The following DPP10 variants were observed in gnomAD, a reference collection of about 807,000 sequenced individuals.
DPP10 encodes dipeptidyl peptidase like 10, also known as inactive dipeptidyl peptidase 10.
DPP10 carries 33 observed loss-of-function variants against 120.9 expected under a neutral mutation model. The ratio of observed to expected loss-of-function variants is 0.27; its 90% CI spans 0.21 to 0.37. DPP10 has a LOEUF of 0.37. DPP10 is among the 10% of genes least tolerant of loss of function. The probability of loss-of-function intolerance (pLI) is 1.00; values close to 1 mark genes in which losing one functional copy is unlikely to be tolerated. For synonymous variants in DPP10, 337 were observed against 326.1 expected (o/e 1.03, Z -0.36); for missense variants, 816 against 942.8 (o/e 0.87, Z 1.76).
chr2:115,092,424 T>A (rs1709341029), intron 1 of DPP10, among the ~76,000 whole-genome samples: 1 of 152,202 alleles, frequency 6.6e-6, no homozygotes, highest in Admixed American at 6.5e-5. Flanking sequence ...TGTTTCTGCC[T>A]CTGTTCCCCA....
intron 1 of DPP10, among the ~76,000 whole-genome samples, chr2:115,087,073 A>C (rs896220115): frequency 6.6e-6 from 1 of 152,212 alleles, no homozygotes; most frequent in Non-Finnish European, 1.5e-5. Flanking sequence ...AGCCCATGGC[A>C]CTGTGTATTC....
chr2:114,647,154 G>A (rs899780369), intron 1 of DPP10, among the ~76,000 whole-genome samples: 1 of 152,194 alleles, frequency 6.6e-6, no homozygotes, highest in Non-Finnish European at 1.5e-5. Flanking sequence ...ATTAGCGAGA[G>A]CAGCTCTGAA....
At chr2:115,477,222 A>T in intron 3 of DPP10, among the ~76,000 whole-genome samples, 1 of 152,120 alleles carries the variant, frequency 6.6e-6, no homozygotes, top group Non-Finnish European at 1.5e-5. Flanking sequence ...AAAGAGGTAA[A>T]ATTACTTCTG....
chr2:115,762,845 T>C (rs991225028), intron 12 of DPP10, among the ~76,000 whole-genome samples: 26 of 152,222 alleles, frequency 1.7e-4, no homozygotes, highest in Admixed American at 1.3e-3. Context: ...CCAGGATCAC[T>C]TTTTAAAATA....
At chr2:115,707,820 A>G (rs1466705019) in intron 7 of DPP10, among the ~76,000 whole-genome samples, 1 of 151,878 alleles carries the variant, frequency 6.6e-6, no homozygotes, top group Non-Finnish European at 1.5e-5. Flanking sequence ...TATTATTACA[A>G]TAGGTAAAAC....
intron 1 of DPP10, among the ~76,000 whole-genome samples, chr2:115,079,311 C>T (rs906387360): frequency 1.3e-5 from 2 of 150,758 alleles, no homozygotes; most frequent in Admixed American, 1.3e-4. Context: ...ACCCGGGAGG[C>T]GGAGCTTGCA....
At chr2:115,331,990 G>T (rs2062776156) in intron 2 of DPP10, among the ~76,000 whole-genome samples, 3 of 152,144 alleles carry the variant, frequency 2.0e-5, no homozygotes, top group Admixed American at 2.0e-4. Context: ...AATAGTTTCA[G>T]AGGGAATGGT....
intron 1 of DPP10, among the ~76,000 whole-genome samples, chr2:115,272,878 A>G (rs1315224687): frequency 6.6e-6 from 1 of 152,242 alleles, no homozygotes; most frequent in East Asian, 1.9e-4. Context: ...CCTCAGAAAC[A>G]GTTGAAACCT....
intron 1 of DPP10, among the ~76,000 whole-genome samples, chr2:115,008,748 C>A: frequency 1.1e-5 from 1 of 91,604 alleles, no homozygotes; most frequent in African/African-American, 3.6e-5. Context: ...AACAAACAAC[C>A]CCATCAAAAA....
intron 1 of DPP10, among the ~76,000 whole-genome samples, chr2:114,543,256 T>C (rs1371966601): frequency 6.6e-6 from 1 of 152,250 alleles, no homozygotes; most frequent in Non-Finnish European, 1.5e-5. Context: ...TCCTGTTTGC[T>C]AAGCACTGGC....
intron 1 of DPP10, among the ~76,000 whole-genome samples, chr2:115,232,858 A>G (rs977281952): frequency 6.6e-6 from 1 of 152,178 alleles, no homozygotes; most frequent in African/African-American, 2.4e-5. Flanking sequence ...TGTTCTGTGT[A>G]TGTTATTATT....
chr2:115,747,524 A>T (rs1418980065), intron 10 of DPP10, among the ~76,000 whole-genome samples: 1 of 151,680 alleles, frequency 6.6e-6, no homozygotes, highest in Non-Finnish European at 1.5e-5. Flanking sequence ...CTTGAGTCAC[A>T]TGTCTACCAC....
chr2:115,459,935 A>ATG (rs1398790545), intron 3 of DPP10, among the ~76,000 whole-genome samples: 3 of 64,528 alleles, frequency 4.6e-5, no homozygotes, highest in African/African-American at 9.6e-5. Context: ...TTATATATAT[A>ATG]TATACACACA....
At position 115,791,294 on chromosome 2, in the gene DPP10, T is replaced by C. The variant is rs780096094; in HGVS notation, c.1638T>C (p.Pro546=). The change falls in exon 19 of 26, where the codon CCT becomes CCC. Residue 546 remains proline (P), a synonymous_variant. Transcript: ENST00000410059. ...TTGCTCTTTCTTTAAAAGAACTTCC[T>C]TTACAGTTGTCCCTTCCCAAAGATT... ...KILHIDDYEL[P]LQLSLPKDFM... is the part of the protein sequence containing the mutation. 1 of 1,611,924 alleles carries C rather than the reference T, an allele frequency of 6.2e-7. No homozygotes were observed. The highest frequency in any genetic ancestry group is 1.1e-5 in the South Asian group (1 of 90,364).
chr2:115,506,840 G>C (rs1238808325), intron 4 of DPP10, among the ~76,000 whole-genome samples: 2 of 152,048 alleles, frequency 1.3e-5, no homozygotes, highest in African/African-American at 2.4e-5. Flanking sequence ...GGAAAACTGT[G>C]AGTGTGGTTT....
intron 1 of DPP10, among the ~76,000 whole-genome samples, chr2:115,188,821 A>G (rs2054652845): frequency 6.6e-6 from 1 of 152,010 alleles, no homozygotes; most frequent in African/African-American, 2.4e-5. Context: ...TATTTCACAA[A>G]CCTATTGGTA....
chr2:114,536,408 C>CTTTTTTTTTTT (rs70937287), intron 1 of DPP10, among the ~76,000 whole-genome samples: 1 of 128,732 alleles, frequency 7.8e-6, no homozygotes, highest in Non-Finnish European at 1.6e-5. Flanking sequence ...TTTTCTTTTT[C>CTTTTTTTTTTT]TTTTTTTTTT....
intron 1 of DPP10, among the ~76,000 whole-genome samples, chr2:114,892,132 T>A (rs1316490539): frequency 1.3e-5 from 2 of 152,226 alleles, no homozygotes; most frequent in African/African-American, 4.8e-5. Context: ...CTATAATTAA[T>A]GTCCTATAAA....
chr2:114,515,325 C>T (rs1344045957), intron 1 of DPP10, among the ~76,000 whole-genome samples: 2 of 152,034 alleles, frequency 1.3e-5, no homozygotes, highest in African/African-American at 4.8e-5. Context: ...TCTAATATAC[C>T]CTAGAATCTC....
Sources: gnomAD v4.1 joint callset for allele counts (sites outside exome capture counted in the v4.1 genomes callset) on GRCh38, gnomAD v4.1.1 for gene constraint, MANE v1.5 for transcripts, NCBI Gene and HGNC (gene_info 2026-07-23, HGNC 2026-07-21) for gene names.